PGAP6: variants seen among roughly 807,000 people sequenced by gnomAD.
PGAP6 encodes post-GPI attachment to proteins 6.
In PGAP6, 62 loss-of-function variants were observed where a neutral mutation model predicts 68.4. The ratio of observed to expected loss-of-function variants is 0.91; its 90% CI spans 0.74 to 1.12. The LOEUF (loss-of-function observed/expected upper bound fraction) is 1.12, where lower values mean the gene tolerates loss of function less well. Among genes scored for constraint, PGAP6 ranks in the 50% most tolerant of loss-of-function variants. The probability of loss-of-function intolerance (pLI) is 0.00; values close to 1 mark genes in which losing one functional copy is unlikely to be tolerated. For missense variants in PGAP6, 1,188 were observed against 1,068.5 expected, an observed-to-expected ratio of 1.11 and a Z score of -1.56; for synonymous variants, 575 against 474.0, an observed-to-expected ratio of 1.21 and a Z score of -2.77.
chr16:377,138 G>A lies in PGAP6; in HGVS notation c.534C>T (p.Val178=), dbSNP rs1314113582. 3.7e-6 allele frequency: 6 copies of A among 1,613,544 alleles called. No homozygotes were observed. Among genetic ancestry groups the A allele is most frequent in the East Asian group, 4.5e-5 (2 of 44,904 alleles). Residue 178 remains valine (V), a synonymous_variant, in exon 4 of 13, where the codon GTC becomes GTT. Coordinates refer to ENST00000431232, the MANE Select transcript of PGAP6 (RefSeq NM_021259.3). ...LKGLAPTCAY[V]FQPELLVTRV... is the part of the protein sequence containing the mutation. ...GCGTGACCAGCAGTTCAGGCTGGAA[G>A]ACGTAGGCACAGGTGGGAGCCAAGC...
At chr16:378,204 C>CCACACTGCCATCGCCACT (rs1555491575) in intron 1 of PGAP6, among the ~76,000 whole-genome samples, 1 of 88,636 alleles carries the variant, frequency 1.1e-5, no homozygotes, top group African/African-American at 5.1e-5. Flanking sequence ...CCATCGCCAC[C>CCACACTGCCATCGCCACT]CTGACTGCCA....
intron 11 of PGAP6, 41 bp downstream of exon 11, chr16:373,964 T>G (rs759438645): frequency 1.5e-5 from 23 of 1,558,132 alleles, no homozygotes; most frequent in Non-Finnish European, 1.9e-5. Context: ...TTGGGGGCCC[T>G]GCTCCCCCGG....
rs1025203842 is a variant in PGAP6, at chr16:381,721, G to T, written c.101C>A (p.Ala34Asp). The change falls in exon 1 of 13, where the codon GCC becomes GAC. Residue 34 changes from alanine (A) to aspartate (D), a missense_variant. Physicochemically the swap from Ala to Asp is moderately radical, Grantham distance 126. Coordinates refer to ENST00000431232, the MANE Select transcript of PGAP6 (RefSeq NM_021259.3). ...LLLARPPPAS[A>D]GYSGKSEVGL... The stretch of plus-strand genomic sequence containing the variant: ...CTCACCGCTCTTCCCGCTGTAGCCG[G>T]CGGAGGCAGGCGGGGGCCGGGCAAG... 2.2e-5 allele frequency: 27 copies of T among 1,211,620 alleles called. No homozygotes were observed. The Middle Eastern group carries it at 2.6e-3, about 118-fold the overall frequency. 75.1% of individuals were successfully genotyped at this position (1,211,620 alleles called of 1,614,324 possible). A position where few individuals can be genotyped will look rare whatever the true frequency, so the allele number is the denominator to read the frequency against.
intron 6 of PGAP6, among the ~76,000 whole-genome samples, 167 bp from the exon 7 acceptor site, chr16:375,602 G>C (rs1228297499): frequency 6.6e-6 from 1 of 150,544 alleles, no homozygotes; most frequent in African/African-American, 2.5e-5. Flanking sequence ...CCGCGATCTC[G>C]GCTCACTGCA....
chr16:373,142 C>G lies in PGAP6; in HGVS notation c.1903-415G>C, dbSNP rs540758927. 5.3e-5 allele frequency among the ~76,000 whole-genome samples: 8 copies of G among 152,342 alleles called. No individual in the cohort carries two copies. In the East Asian group the frequency reaches 1.5e-3, roughly 29 times the overall value. ...AGTCTCCATCAGACACCTCTGCCCA[C>G]AGCCTACAGTTCTCTGCCTATCTGC... is the stretch of plus-strand genomic sequence containing the variant. On this transcript the variant is annotated intron_variant, in intron 11 of 12. Transcript: ENST00000431232.
At chr16:374,523 G>T in intron 9 of PGAP6, 124 bp from the exon 10 acceptor site, 1 of 1,227,400 alleles carries the variant, frequency 8.1e-7, no homozygotes, top group Non-Finnish European at 1.1e-6. Flanking sequence ...AGGCACGGCG[G>T]GCGGGGTCCA....
chr16:372,387 C>A, intron 12 of PGAP6, 104 bp from the exon 13 acceptor site: 1 of 1,306,186 alleles, frequency 7.7e-7, no homozygotes, highest in Non-Finnish European at 1.1e-6. Flanking sequence ...GTCTGGGCAG[C>A]AGAACGACAA....
At chr16:384,855 C>CAAA (rs559192580), upstream of PGAP6, among the ~76,000 whole-genome samples, 5 of 110,192 alleles carry the variant, frequency 4.5e-5, no homozygotes, top group African/African-American at 7.3e-5. Context: ...GACTCCATCT[C>CAAA]AAAAAAAAAA....
chr16:385,762 C>T (rs1055869778), upstream of PGAP6, among the ~76,000 whole-genome samples: 1 of 151,142 alleles, frequency 6.6e-6, no homozygotes, highest in East Asian at 1.9e-4. Context: ...GTAGCTGGGA[C>T]TACAGGCGCC....
rs2054358143 is a variant in PGAP6 at position 374,117 on chromosome 16, A to G, written c.1790T>C (p.Val597Ala). The G allele has an allele frequency of 1.2e-6, 2 of 1,611,458 alleles. No homozygotes were observed. Among genetic ancestry groups the G allele is most frequent in the East Asian group, 4.5e-5 (2 of 44,882 alleles). ...YHACDQPGEAVLCILSYDTLQ... is the reference protein window; with the variant it reads ...YHACDQPGEAALCILSYDTLQ... ...CGTGTCGTAGCTGAGGATGCACAGC[A>G]CCGCCTCCCCGGGCTGGTCGCAGGC... Residue 597 changes from valine (V) to alanine (A), a missense_variant, in exon 11 of 13, where the codon GTG (valine) becomes GCG (alanine). Coordinates refer to ENST00000431232, the MANE Select transcript of PGAP6 (RefSeq NM_021259.3).
chr16:375,530 TTTC>T, intron 6 of PGAP6, 95 bp from the exon 7 acceptor site: 1 of 1,015,980 alleles, frequency 9.8e-7, no homozygotes, highest in African/African-American at 1.6e-5. Flanking sequence ...TGCTGGTGCC[TTTC>T]TTTTTTTTTT....
intron 9 of PGAP6, 133 bp from the exon 10 acceptor site, chr16:374,532 C>T: frequency 8.4e-7 from 1 of 1,185,418 alleles, no homozygotes; most frequent in South Asian, 1.6e-5. Flanking sequence ...GGGCGGGGTC[C>T]AAGGTCAGGA....
rs576154294 is a variant in PGAP6, at chr16:377,454, T to C, written c.431A>G (p.Asn144Ser). 21 of 1,610,590 alleles carry C rather than the reference T, an allele frequency of 1.3e-5. No homozygotes were observed. Among genetic ancestry groups the C allele is most frequent in the South Asian group, 6.6e-5 (6 of 90,788 alleles). Reference sequence around the variant, plus strand: ...GTCCCCGGGGGCCGGGTGGGAAACGTTGACGGAGGCATTGCTTCTCGGTGT... The same window carrying C: ...GTCCCCGGGGGCCGGGTGGGAAACGCTGACGGAGGCATTGCTTCTCGGTGT... ...STTPRSNASVNVSHPAPGDWF... is the reference protein window; with the variant it reads ...STTPRSNASVSVSHPAPGDWF... The change falls in exon 3 of 13, where the codon AAC becomes AGC. Residue 144 changes from asparagine (N) to serine (S), a missense_variant. Coordinates refer to ENST00000431232, the MANE Select transcript of PGAP6 (RefSeq NM_021259.3).
At chr16:378,077 G>C (rs2054402780) in intron 1 of PGAP6, among the ~76,000 whole-genome samples, 1 of 151,958 alleles carries the variant, frequency 6.6e-6, no homozygotes, top group African/African-American at 2.4e-5. Flanking sequence ...TGGCATCTGG[G>C]TCTTTTCACA....
At chr16:374,578 G>C (rs1024452362) in intron 9 of PGAP6, among the ~76,000 whole-genome samples, 178 bp downstream of exon 9, 2 of 152,034 alleles carry the variant, frequency 1.3e-5, no homozygotes, top group African/African-American at 4.8e-5. Flanking sequence ...TGGTGCCTGT[G>C]CCAGGCAGAC....
At chr16:373,229 T>C (rs1040724136) in intron 11 of PGAP6, among the ~76,000 whole-genome samples, 1 of 152,182 alleles carries the variant, frequency 6.6e-6, no homozygotes, top group Non-Finnish European at 1.5e-5. Flanking sequence ...CCCTCTGCCC[T>C]GGCTGTGGGG....
upstream of PGAP6, among the ~76,000 whole-genome samples, chr16:385,351 C>T (rs1363754292): frequency 8.6e-4 from 110 of 127,708 alleles, 1 homozygote; most frequent in Middle Eastern, 0.013. Flanking sequence ...GCCTCACTGT[C>T]GCCCAGGCTG....
intron 1 of PGAP6, among the ~76,000 whole-genome samples, chr16:378,579 C>T (rs779157180): frequency 6.6e-5 from 10 of 151,052 alleles, no homozygotes; most frequent in East Asian, 3.9e-4. Context: ...AGGTCGAAGC[C>T]GAAGGACCCA....
upstream of PGAP6, chr16:382,570 T>G (rs989702896): frequency 3.5e-6 from 1 of 287,860 alleles, no homozygotes; most frequent in Admixed American, 5.2e-5. Flanking sequence ...TTCACACGGG[T>G]GCGTGGCATC....
Sources: gnomAD v4.1 joint callset for allele counts (sites outside exome capture counted in the v4.1 genomes callset) on GRCh38, gnomAD v4.1.1 for gene constraint, MANE v1.5 for transcripts, NCBI Gene and HGNC (gene_info 2026-07-23, HGNC 2026-07-21) for gene names.